POLR1A: variants seen among roughly 807,000 people sequenced by gnomAD.
The protein encoded by POLR1A is DNA-directed RNA polymerase I subunit RPA1.
POLR1A carries 84 observed loss-of-function variants against 205.3 expected under a neutral mutation model. The ratio of observed to expected loss-of-function variants is 0.41; its 90% CI spans 0.34 to 0.49. POLR1A has a LOEUF of 0.49. Among genes scored for constraint, POLR1A ranks in the 20% least tolerant of loss-of-function variants. POLR1A has a pLI of 0.22. For missense variants in POLR1A, 1,645 were observed against 2,204.5 expected (o/e 0.75, Z 5.08); for synonymous variants, 799 against 863.7 (o/e 0.93, Z 1.31).
chr2:86,094,408 G>T (rs1056978989), intron 3 of POLR1A, among the ~76,000 whole-genome samples: 1 of 152,136 alleles, frequency 6.6e-6, no homozygotes, highest in Non-Finnish European at 1.5e-5. Flanking sequence ...AGGCTTTTGT[G>T]CCCTTTGGAC....
At chr2:86,100,920 G>C (rs946163782) in intron 1 of POLR1A, among the ~76,000 whole-genome samples, 2 of 152,100 alleles carry the variant, frequency 1.3e-5, no homozygotes, top group African/African-American at 4.8e-5. Flanking sequence ...CAAGGCTCAG[G>C]GAAGTTAGGT....
At chr2:86,065,882 C>G (rs554983353) in intron 13 of POLR1A, among the ~76,000 whole-genome samples, 105 of 152,232 alleles carry the variant, frequency 6.9e-4, no homozygotes, top group Non-Finnish European at 7.1e-4. Context: ...CCTGGCTCTT[C>G]TGTAAATCAG....
At chr2:86,066,578 G>A (rs1219035929) in intron 13 of POLR1A, among the ~76,000 whole-genome samples, 1 of 152,168 alleles carries the variant, frequency 6.6e-6, no homozygotes, top group African/African-American at 2.4e-5. Flanking sequence ...TGGATATAAA[G>A]ATTATTAATC....
intron 14 of POLR1A, among the ~76,000 whole-genome samples, chr2:86,062,113 T>G (rs1673009379): frequency 6.6e-6 from 1 of 152,208 alleles, no homozygotes; most frequent in Non-Finnish European, 1.5e-5. Context: ...GAAATAAACT[T>G]CCTAAGCTAA....
chr2:86,065,189 G>T, intron 14 of POLR1A, 85 bp downstream of exon 14: 1 of 1,212,904 alleles, frequency 8.2e-7, no homozygotes, highest in African/African-American at 1.5e-5. Context: ...TCTGTCTCTG[G>T]TCTGGACTCT....
intron 12 of POLR1A, among the ~76,000 whole-genome samples, chr2:86,074,082 C>T (rs1403536879): frequency 1.3e-5 from 2 of 152,194 alleles, no homozygotes; most frequent in Non-Finnish European, 1.5e-5. Flanking sequence ...TGTATTACTG[C>T]TGCCCCTCAG....
intron 12 of POLR1A, 90 bp downstream of exon 12, chr2:86,074,940 G>A: frequency 3.4e-6 from 3 of 872,498 alleles, no homozygotes; most frequent in Admixed American, 4.6e-5. Context: ...TCCTGTGTCA[G>A]TGCGCACCGG....
intron 6 of POLR1A, among the ~76,000 whole-genome samples, chr2:86,083,659 A>G (rs79060839): frequency 0.01 from 1,556 of 152,314 alleles, 46 homozygotes; most frequent in Admixed American, 0.063. Context: ...CCATATTCTC[A>G]TAATTGGACA....
chr2:86,054,671 G>A (rs1310949853), intron 14 of POLR1A, among the ~76,000 whole-genome samples: 1 of 152,180 alleles, frequency 6.6e-6, no homozygotes, highest in Admixed American at 6.5e-5. Context: ...TACTATGACT[G>A]GAATTAATTA....
At chr2:86,058,626 G>C (rs1175648294) in intron 14 of POLR1A, among the ~76,000 whole-genome samples, 1 of 150,970 alleles carries the variant, frequency 6.6e-6, no homozygotes. Context: ...TTACTTTCTG[G>C]TCATAAACTA....
At chr2:86,082,967 C>G in intron 7 of POLR1A, 115 bp downstream of exon 7, 1 of 772,506 alleles carries the variant, frequency 1.3e-6, no homozygotes, top group Non-Finnish European at 2.2e-6. Context: ...TGGATCAGTT[C>G]CAGGAGGAAG....
intron 27 of POLR1A, among the ~76,000 whole-genome samples, chr2:86,037,633 T>C (rs934207905): frequency 6.6e-6 from 1 of 152,220 alleles, no homozygotes; most frequent in African/African-American, 2.4e-5. Context: ...CAAGAACTGG[T>C]CTAGATTAGA....
Position 86,089,891 on chromosome 2 carries a change from A to G in POLR1A, c.471T>C (p.Ile157=). 2.5e-6 allele frequency: 4 copies of G among 1,612,088 alleles called. No individual in the cohort carries two copies. The highest frequency in any genetic ancestry group is 3.4e-6 in the Non-Finnish European group (4 of 1,178,082). The change falls in exon 4 of 34, where the codon ATT becomes ATC. Residue 157 remains isoleucine (I), a synonymous_variant. Transcript: ENST00000263857. ...TTGTGTATTGTTCTAATTCCTCCCG[A>G]ATTTCAGAGGCAGAGGGATCGGGAT... is the stretch of plus-strand genomic sequence containing the variant. ...EENPDPSASE[I]REELEQYTTE... is the part of the protein sequence containing the mutation.
In POLR1A at chr2:86,100,318, C is replaced by T. The variant is rs969649979; in HGVS notation, c.78-146G>A. ...ACAATCTGTCTTTCTCACTAGTGTA[C>T]CCCAACACTAAGTGCAGAGTTGGTA... On this transcript the variant is annotated intron_variant, in intron 1 of 33. Transcript: ENST00000263857. The T allele has an allele frequency of 9.2e-6, 6 of 648,970 alleles. 1 individual carries two copies. The highest frequency in any genetic ancestry group is 3.7e-5 in the South Asian group (2 of 53,800). 40.2% of individuals were successfully genotyped at this position (648,970 alleles called of 1,614,324 possible).
chr2:86,058,150 G>A (rs1298711881), intron 14 of POLR1A, among the ~76,000 whole-genome samples: 1 of 152,174 alleles, frequency 6.6e-6, no homozygotes, highest in Non-Finnish European at 1.5e-5. Flanking sequence ...GCCCAGGCTG[G>A]AGTGCAATGG....
intron 12 of POLR1A, among the ~76,000 whole-genome samples, 169 bp downstream of exon 12, chr2:86,074,861 T>G: frequency 6.6e-6 from 1 of 152,210 alleles, no homozygotes. Context: ...GCCATTCTTC[T>G]GCCCGGAGAC....
At chr2:86,044,049 G>A in intron 22 of POLR1A, 90 bp downstream of exon 22, 2 of 1,280,212 alleles carry the variant, frequency 1.6e-6, no homozygotes, top group Non-Finnish European at 2.2e-6. Flanking sequence ...CACTTGGACT[G>A]GGTTGCAAAG....
intron 6 of POLR1A, among the ~76,000 whole-genome samples, chr2:86,085,049 C>G (rs570239918): frequency 2.2e-4 from 33 of 152,334 alleles, no homozygotes; most frequent in African/African-American, 7.7e-4. Context: ...GCAAGCTCTG[C>G]CTCCTGGGTT....
At chr2:86,049,086 C>A in intron 17 of POLR1A, 44 bp from the exon 18 acceptor site, 1 of 1,613,342 alleles carries the variant, frequency 6.2e-7, no homozygotes, top group South Asian at 1.1e-5. Flanking sequence ...GGCCAAACGA[C>A]GAGAGTGTGG....
Sources: gnomAD v4.1 joint callset for allele counts (sites outside exome capture counted in the v4.1 genomes callset) on GRCh38, gnomAD v4.1.1 for gene constraint, MANE v1.5 for transcripts, NCBI Gene and HGNC (gene_info 2026-07-23, HGNC 2026-07-21) for gene names.